COLGALT1: variants seen among roughly 807,000 people sequenced by gnomAD.
The protein encoded by COLGALT1 is procollagen galactosyltransferase 1.
A neutral mutation model predicts 60.8 loss-of-function variants in COLGALT1; 43 were observed. That is an observed-to-expected ratio of 0.71 (90% CI 0.55 to 0.91). COLGALT1 has a LOEUF of 0.91. COLGALT1 is among the 40% of genes least tolerant of loss of function. The pLI is 0.00. For synonymous variants in COLGALT1, 369 were observed against 374.2 expected (o/e 0.99, Z 0.16); for missense variants, 845 against 880.0 (o/e 0.96, Z 0.50).
chr19:17,577,064 T>G (rs1207428534), intron 6 of COLGALT1, 131 bp from the exon 7 acceptor site: 4 of 805,560 alleles, frequency 5.0e-6, no homozygotes, highest in Non-Finnish European at 8.0e-6. Flanking sequence ...AGCGCTGATG[T>G]GGGCGGAGCC....
At chr19:17,567,273 T>G in intron 3 of COLGALT1, 133 bp from the exon 4 acceptor site, 1 of 1,211,782 alleles carries the variant, frequency 8.3e-7, no homozygotes, top group Non-Finnish European at 1.1e-6. Flanking sequence ...GGTCCCTGCT[T>G]CATTTCATCC....
chr19:17,560,476 C>T lies in COLGALT1; in HGVS notation c.489+11C>T, dbSNP rs781688832. Reference sequence around the variant, plus strand: ...GCTGATTACATCCTGGTAAGTTTCTCAGCCGGCCGGATATGGATCACAGGC... The same window carrying T: ...GCTGATTACATCCTGGTAAGTTTCTTAGCCGGCCGGATATGGATCACAGGC... On this transcript the variant is annotated intron_variant, in intron 3 of 11. Transcript: ENST00000252599. 6 of 1,610,404 alleles carry T rather than the reference C, an allele frequency of 3.7e-6. No homozygotes were observed. The highest frequency in any genetic ancestry group is 5.1e-6 in the Non-Finnish European group (6 of 1,176,776).
At chr19:17,581,041 A>T in intron 11 of COLGALT1, 136 bp downstream of exon 11, 1 of 1,378,966 alleles carries the variant, frequency 7.3e-7, no homozygotes. Context: ...CCCCTCGCAG[A>T]TCTGTCTCCA....
rs751702380 is a variant in COLGALT1, at chr19:17,577,239, AC to A, written c.996del (p.Lys333ArgfsTer13). On this transcript the variant is annotated frameshift_variant, in exon 7 of 12. Transcript: ENST00000252599. LOFTEE classifies it high-confidence loss of function. ...GCCCTCCCGCTTCATCTCGGCTCCC[AC>A]CAAGACACCGGACAAGATGGGCTTC... ...AEPSRFISAP[T>X]KTPDKMGFDE... 6.2e-7 allele frequency: 1 copy of A among 1,613,022 alleles called. No individual in the cohort carries two copies. Among genetic ancestry groups the A allele is most frequent in the South Asian group, 1.1e-5 (1 of 91,026 alleles).
intron 2 of COLGALT1, 31 bp downstream of exon 2, chr19:17,559,452 T>C (rs1174962959): frequency 6.6e-7 from 1 of 1,515,446 alleles, no homozygotes; most frequent in South Asian, 1.2e-5. Flanking sequence ...CCTAGTCTGA[T>C]TGGGCTTTGC....
At chr19:17,575,243 TTTTG>T (rs753211066) in intron 6 of COLGALT1, among the ~76,000 whole-genome samples, 3 of 152,056 alleles carry the variant, frequency 2.0e-5, no homozygotes, top group East Asian at 1.9e-4. Flanking sequence ...TTTTATTATT[TTTTG>T]TTTGTTTGTT....
intron 1 of COLGALT1, among the ~76,000 whole-genome samples, chr19:17,558,961 C>T (rs1391247676): frequency 2.6e-5 from 4 of 151,848 alleles, no homozygotes; most frequent in Admixed American, 6.6e-5. Flanking sequence ...GAGATCGAGA[C>T]CAGCCTGGCC....
chr19:17,573,281 A>G (rs1249763301), intron 6 of COLGALT1, among the ~76,000 whole-genome samples: 1 of 152,068 alleles, frequency 6.6e-6, no homozygotes, highest in Non-Finnish European at 1.5e-5. Flanking sequence ...TAATCCTAAC[A>G]CTTCGGGAGG....
At chr19:17,560,526 C>T (rs936285791) in intron 3 of COLGALT1, 61 bp downstream of exon 3, 5 of 1,367,978 alleles carry the variant, frequency 3.7e-6, no homozygotes, top group African/African-American at 1.4e-5. Flanking sequence ...CCAGGGAAGG[C>T]GGAGCAGCAG....
At chr19:17,581,070 T>C in intron 11 of COLGALT1, 107 bp from the exon 12 acceptor site, 1 of 1,425,976 alleles carries the variant, frequency 7.0e-7, no homozygotes, top group Non-Finnish European at 9.7e-7. Context: ...CCCTGCACAC[T>C]TACGTTTTAA....
At chr19:17,558,650 C>T (rs979538038) in intron 1 of COLGALT1, among the ~76,000 whole-genome samples, 3 of 151,716 alleles carry the variant, frequency 2.0e-5, no homozygotes, top group Non-Finnish European at 4.4e-5. Context: ...TGCACTCTAG[C>T]CTGGGTGACA....
At chr19:17,559,630 C>G (rs1941260560) in intron 2 of COLGALT1, among the ~76,000 whole-genome samples, 1 of 152,144 alleles carries the variant, frequency 6.6e-6, no homozygotes. Context: ...GTTCCCTGTA[C>G]CTAGAATTCT....
At position 17,560,462 on chromosome 19, in the gene COLGALT1, C is replaced by T; in HGVS notation, c.486C>T (p.Ile162=). The part of the protein sequence containing the change: ...KSARDMWADY[I]LFVDADNLIL... ...CTCGAGACATGTGGGCTGATTACAT[C>T]CTGGTAAGTTTCTCAGCCGGCCGGA... Residue 162 remains isoleucine (I), a synonymous_variant, in exon 3 of 12, where the codon ATC becomes ATT. Transcript: ENST00000252599. 6.2e-7 allele frequency: 1 copy of T among 1,613,482 alleles called. No homozygotes were observed. The highest frequency in any genetic ancestry group is 1.3e-5 in the African/African-American group (1 of 75,024).
At position 17,555,718 on chromosome 19, in the gene COLGALT1, C is replaced by T. The variant is rs2076205788; in HGVS notation, c.5C>T (p.Ala2Val). 8.4e-7 allele frequency: 1 copy of T among 1,190,450 alleles called. No homozygotes were observed. The highest frequency in any genetic ancestry group is 4.5e-5 in the Admixed American group (1 of 22,220). 73.7% of individuals were successfully genotyped at this position (1,190,450 alleles called of 1,614,324 possible). A position where few individuals can be genotyped will look rare whatever the true frequency, so the allele number is the denominator to read the frequency against. The change falls in exon 1 of 12, where the codon GCG becomes GTG. Residue 2 changes from alanine (A) to valine (V), a missense_variant. Ala to Val is a moderately conservative substitution (Grantham distance 64). Transcript: ENST00000252599. ...TTAAAGGAGACGCGTGGCGCGATGGCGGCGGCCCCACGCGCGGGCCGGCGG... is the reference window on the plus strand; with the variant it reads ...TTAAAGGAGACGCGTGGCGCGATGGTGGCGGCCCCACGCGCGGGCCGGCGG... M[A>V]AAPRAGRRRG...
intron 10 of COLGALT1, 41 bp downstream of exon 10, chr19:17,579,650 G>A: frequency 6.3e-7 from 1 of 1,593,548 alleles, no homozygotes; most frequent in Middle Eastern, 1.7e-4. Flanking sequence ...TGGGGCCTGG[G>A]GCAAGGCCAG....
At position 17,568,586 on chromosome 19, in the gene COLGALT1, G is replaced by T. The variant is rs200211762; in HGVS notation, c.702G>T (p.Val234=). 2.5e-6 allele frequency: 4 copies of T among 1,614,196 alleles called. No individual in the cohort carries two copies. Among genetic ancestry groups the T allele is most frequent in the Non-Finnish European group, 3.4e-6 (4 of 1,180,034 alleles). ...DRRGCFAVPM[V]HSTFLIDLRK... ...GGGGCTGCTTTGCAGTTCCCATGGT[G>T]CACTCGACCTTCCTGATCGACCTGC... The change falls in exon 5 of 12, where the codon GTG becomes GTT. Residue 234 remains valine, a synonymous_variant. Coordinates refer to ENST00000252599, the MANE Select transcript of COLGALT1 (RefSeq NM_024656.4).
chr19:17,573,477 C>T (rs1052363182), intron 6 of COLGALT1, among the ~76,000 whole-genome samples: 1 of 151,924 alleles, frequency 6.6e-6, no homozygotes, highest in Admixed American at 6.6e-5. Context: ...TGCAGTGAGC[C>T]GAGATCGTGC....
At chr19:17,581,119 C>T in intron 11 of COLGALT1, 58 bp from the exon 12 acceptor site, 2 of 1,573,974 alleles carry the variant, frequency 1.3e-6, no homozygotes, top group Middle Eastern at 1.7e-4. Flanking sequence ...ATTTTTCCTC[C>T]AGCTGTCCCG....
Position 17,580,730 on chromosome 19 carries a change from C to T in COLGALT1, c.1426C>T (p.His476Tyr), listed in dbSNP as rs775767986. The change falls in exon 11 of 12, where the codon CAC becomes TAC. Residue 476 changes from histidine to tyrosine, a missense_variant. His to Tyr is a moderately conservative substitution (Grantham distance 83, BLOSUM62 2). Coordinates refer to ENST00000252599, the MANE Select transcript of COLGALT1 (RefSeq NM_024656.4). Reference protein sequence around the residue: ...YVGRKRMQVEHPEKAVPRVRN... With the variant: ...YVGRKRMQVEYPEKAVPRVRN... ...GGGCCGGAAGCGGATGCAGGTGGAG[C>T]ACCCCGAGAAGGCTGTGCCTCGCGT... 11 of 1,614,038 alleles carry T rather than the reference C, an allele frequency of 6.8e-6. No homozygotes were observed. The South Asian group carries it at 1.2e-4, about 18-fold the overall frequency.
Sources: allele counts gnomAD v4.1 joint callset (sites outside exome capture counted in the v4.1 genomes callset), GRCh38; gene constraint gnomAD v4.1.1; transcripts MANE v1.5; gene names NCBI Gene and HGNC (gene_info 2026-07-23, HGNC 2026-07-21).